Variants in WDR70 observed in about 807,000 individuals in gnomAD.
WDR70 encodes the protein WD repeat domain 70.
In WDR70, 53 loss-of-function variants were observed where a neutral mutation model predicts 88.6. The observed-to-expected ratio is 0.60, with a 90% CI of 0.48 to 0.75. The LOEUF is 0.75. WDR70 is among the 30% of genes least tolerant of loss of function. The pLI, the probability that WDR70 is intolerant of heterozygous loss-of-function variation, is 0.00. For synonymous variants in WDR70, 280 were observed against 270.0 expected, an observed-to-expected ratio of 1.04 and a Z score of -0.36; for missense variants, 610 against 823.2, an observed-to-expected ratio of 0.74 and a Z score of 3.17.
intron 10 of WDR70, among the ~76,000 whole-genome samples, chr5:37,639,110 A>G (rs1482887743): frequency 2.0e-5 from 3 of 152,178 alleles, no homozygotes; most frequent in Admixed American, 6.5e-5. Context: ...TAAATAATGA[A>G]CAGTAGCATC....
At chr5:37,637,077 C>A (rs774567127) in intron 10 of WDR70, among the ~76,000 whole-genome samples, 3 of 151,972 alleles carry the variant, frequency 2.0e-5, no homozygotes, top group Non-Finnish European at 4.4e-5. Context: ...CGTGGTAGCT[C>A]ACGTATGTAA....
chr5:37,488,502 CT>C (rs113142236), intron 8 of WDR70, among the ~76,000 whole-genome samples: 7 of 137,520 alleles, frequency 5.1e-5, no homozygotes, highest in Admixed American at 7.3e-5. Context: ...TTGTTCTTTA[CT>C]TTTTTTTTTT....
chr5:37,734,837 C>A (rs1430570108), intron 17 of WDR70, among the ~76,000 whole-genome samples: 1 of 152,114 alleles, frequency 6.6e-6, no homozygotes, highest in East Asian at 1.9e-4. Flanking sequence ...CTACTTCGAT[C>A]TATGAATGGG....
At chr5:37,607,382 TTA>T (rs1744062724) in intron 10 of WDR70, among the ~76,000 whole-genome samples, 1 of 152,202 alleles carries the variant, frequency 6.6e-6, no homozygotes, top group South Asian at 2.1e-4. Flanking sequence ...TGGATAATGG[TTA>T]ATCTGTATTT....
At chr5:37,581,462 T>G (rs1033471132) in intron 9 of WDR70, among the ~76,000 whole-genome samples, 6 of 152,142 alleles carry the variant, frequency 3.9e-5, no homozygotes, top group African/African-American at 1.4e-4. Flanking sequence ...ACAGGCAAAA[T>G]GACTTCATTG....
chr5:37,703,828 A>G (rs1747238691), intron 13 of WDR70, among the ~76,000 whole-genome samples: 1 of 152,228 alleles, frequency 6.6e-6, no homozygotes. Flanking sequence ...AGTATGAAAC[A>G]GGCCAATTAA....
chr5:37,587,656 C>A (rs1224962371), intron 9 of WDR70, among the ~76,000 whole-genome samples: 2 of 152,132 alleles, frequency 1.3e-5, no homozygotes, highest in African/African-American at 4.8e-5. Flanking sequence ...ATGTATCCAC[C>A]AAGGTACCTG....
chr5:37,430,740 T>C (rs1403541498), intron 5 of WDR70, among the ~76,000 whole-genome samples: 1 of 152,088 alleles, frequency 6.6e-6, no homozygotes, highest in Non-Finnish European at 1.5e-5. Context: ...TTTGTATCTT[T>C]AGTAGTGACG....
At chr5:37,628,291 T>TG (rs1457035985) in intron 10 of WDR70, among the ~76,000 whole-genome samples, 1 of 152,112 alleles carries the variant, frequency 6.6e-6, no homozygotes, top group Non-Finnish European at 1.5e-5. Context: ...GTGCTGAGAG[T>TG]GGGGTGAAAT....
At chr5:37,446,452 A>G (rs1738480377) in intron 7 of WDR70, among the ~76,000 whole-genome samples, 2 of 152,120 alleles carry the variant, frequency 1.3e-5, no homozygotes, top group Admixed American at 1.3e-4. Context: ...TAAAGTTCAT[A>G]TGGAACCAAA....
chr5:37,412,945 T>G (rs1346930834), intron 5 of WDR70, among the ~76,000 whole-genome samples: 3 of 152,222 alleles, frequency 2.0e-5, no homozygotes, highest in African/African-American at 7.2e-5. Context: ...GTTTTCATCA[T>G]CAATACCAAT....
intron 8 of WDR70, among the ~76,000 whole-genome samples, chr5:37,498,466 G>A (rs1194298270): frequency 6.6e-6 from 1 of 152,104 alleles, no homozygotes; most frequent in African/African-American, 2.4e-5. Context: ...CTGGATACAT[G>A]AGTTTAAATA....
chr5:37,480,812 C>T (rs1029281799), intron 8 of WDR70, among the ~76,000 whole-genome samples: 2 of 152,202 alleles, frequency 1.3e-5, no homozygotes, highest in African/African-American at 4.8e-5. Flanking sequence ...TCAGCATTAA[C>T]TCAAAATTCC....
At chr5:37,415,762 C>T (rs1376878103) in intron 5 of WDR70, among the ~76,000 whole-genome samples, 1 of 148,834 alleles carries the variant, frequency 6.7e-6, no homozygotes, top group African/African-American at 2.5e-5. Context: ...GACGGGGCGG[C>T]TGCCGGGCGG....
intron 10 of WDR70, among the ~76,000 whole-genome samples, chr5:37,668,157 T>C (rs1306552543): frequency 6.6e-6 from 1 of 152,198 alleles, no homozygotes; most frequent in Non-Finnish European, 1.5e-5. Flanking sequence ...TTCTAAATCA[T>C]TCCTCTTGGT....
intron 10 of WDR70, 40 bp downstream of exon 10, chr5:37,605,278 C>A: frequency 6.5e-7 from 1 of 1,546,476 alleles, no homozygotes; most frequent in South Asian, 1.3e-5. Flanking sequence ...CACCTTAAAT[C>A]TTTCCTTAGA....
chr5:37,514,339 C>CATATATATATATATATATATATAT (rs70978826), intron 8 of WDR70, among the ~76,000 whole-genome samples: 1,482 of 28,508 alleles, frequency 0.052, 412 homozygotes, highest in Non-Finnish European at 0.13. Flanking sequence ...TTTAGAACTA[C>CATATATATATATATATATATATAT]ATATATATAT....
intron 10 of WDR70, among the ~76,000 whole-genome samples, chr5:37,645,946 G>C (rs1561048243): frequency 6.6e-6 from 1 of 151,942 alleles, no homozygotes; most frequent in Non-Finnish European, 1.5e-5. Flanking sequence ...CTTTTGATTG[G>C]AGAGTTTAGT....
intron 9 of WDR70, among the ~76,000 whole-genome samples, chr5:37,519,724 G>T (rs1396865347): frequency 6.6e-6 from 1 of 152,240 alleles, no homozygotes; most frequent in African/African-American, 2.4e-5. Flanking sequence ...CCCAGATGGG[G>T]CGGCTGGGCA....
Sources: allele counts gnomAD v4.1 joint callset (sites outside exome capture counted in the v4.1 genomes callset), GRCh38; gene constraint gnomAD v4.1.1; transcripts MANE v1.5; gene names NCBI Gene and HGNC (gene_info 2026-07-23, HGNC 2026-07-21).